MGAT5B: variants seen among roughly 807,000 people sequenced by gnomAD.
MGAT5B encodes alpha-1,6-mannosylglycoprotein 6-beta-N-acetylglucosaminyltransferase B, also known as N-acetylglucosaminyl-transferase Vb.
MGAT5B carries 54 observed loss-of-function variants against 95.1 expected under a neutral mutation model. The ratio of observed to expected loss-of-function variants is 0.57; its 90% CI spans 0.46 to 0.71. MGAT5B has a LOEUF of 0.71. Ranked by LOEUF, MGAT5B falls within the 30% of genes least tolerant of loss-of-function variation. The pLI is 0.00. For synonymous variants in MGAT5B, 464 were observed against 451.0 expected (o/e 1.03, Z -0.36); for missense variants, 935 against 1,088.6 (o/e 0.86, Z 1.99).
rs972011897 is a variant in MGAT5B, at chr17:76,917,966, C to T, written c.1026-7000C>T. 4.6e-5 allele frequency among the ~76,000 whole-genome samples: 7 copies of T among 152,158 alleles called. No individual in the cohort carries two copies. Among genetic ancestry groups the T allele is most frequent in the African/African-American group, 1.4e-4 (6 of 41,436 alleles). Reference sequence around the variant, plus strand: ...AGAGGACTGGGAACGACCGGAGGGCCGAGTTCCCGTTCCTCTTCCTGCAGC... The same window carrying T: ...AGAGGACTGGGAACGACCGGAGGGCTGAGTTCCCGTTCCTCTTCCTGCAGC... On this transcript the variant is annotated intron_variant, in intron 8 of 17. Coordinates refer to ENST00000569840, the MANE Select transcript of MGAT5B (RefSeq NM_001199172.2). The surrounding 1 kb of genome is among the most constrained non-coding windows in gnomAD (Gnocchi z 6.1).
At chr17:76,920,267 C>G (rs894942) in intron 8 of MGAT5B, among the ~76,000 whole-genome samples, 48,069 of 151,962 alleles carry the variant, frequency 0.32, 8,512 homozygotes, top group East Asian at 0.56. Flanking sequence ...GTCCTCTTGA[C>G]CCAGCCCTTG....
chr17:76,901,611 G>A (rs567846682), intron 3 of MGAT5B, among the ~76,000 whole-genome samples: 1 of 152,296 alleles, frequency 6.6e-6, no homozygotes, highest in Non-Finnish European at 1.5e-5. Context: ...CACTGGTATC[G>A]ATGGTGAGGT....
intron 10 of MGAT5B, among the ~76,000 whole-genome samples, chr17:76,928,836 C>T (rs910737774): frequency 2.6e-5 from 4 of 151,686 alleles, no homozygotes; most frequent in Non-Finnish European, 2.9e-5. Flanking sequence ...GAATTCACGT[C>T]GGAGGACCAC....
intron 2 of MGAT5B, among the ~76,000 whole-genome samples, chr17:76,877,612 G>A (rs1286866742): frequency 1.3e-5 from 2 of 152,154 alleles, no homozygotes; most frequent in Admixed American, 6.5e-5. Flanking sequence ...GGCCTCCCAC[G>A]GCCTGTCCTT....
Position 76,872,894 on chromosome 17 carries a change from A to T in MGAT5B, c.112A>T (p.Met38Leu). ...GIGFFTLCFLMTSLGGQFSAR... is the reference protein window; with the variant it reads ...GIGFFTLCFLLTSLGGQFSAR... ...CGGCTTCTTCACTCTCTGCTTCCTGATGACGTCTCTGGGAGGCCAGTTCTC... is the reference window on the plus strand; with the variant it reads ...CGGCTTCTTCACTCTCTGCTTCCTGTTGACGTCTCTGGGAGGCCAGTTCTC... Residue 38 changes from methionine to leucine, a missense_variant, in exon 2 of 18, where the codon ATG becomes TTG. Around this residue, in one of 4 missense-constraint regions of MGAT5B, gnomAD observed 243 missense variants for 228.2 expected, o/e 1.06. Coordinates refer to ENST00000569840, the MANE Select transcript of MGAT5B (RefSeq NM_001199172.2). The T allele has an allele frequency of 6.2e-7, 1 of 1,614,010 alleles. No homozygotes were observed. Among genetic ancestry groups the T allele is most frequent in the Non-Finnish European group, 8.5e-7 (1 of 1,180,002 alleles).
intron 10 of MGAT5B, among the ~76,000 whole-genome samples, chr17:76,931,844 G>A (rs1181154703): frequency 6.6e-6 from 1 of 152,204 alleles, no homozygotes; most frequent in Non-Finnish European, 1.5e-5. Context: ...GACAGATGCT[G>A]CCTATGGGCG....
Position 76,904,302 on chromosome 17 carries a change from G to A in MGAT5B, c.570G>A (p.Val190=), listed in dbSNP as rs1158358071. Residue 190 remains valine (V), a synonymous_variant, in exon 6 of 18, where the codon GTG becomes GTA. Transcript: ENST00000569840. The stretch of plus-strand genomic sequence containing the variant: ...ACCCCTGCTACGCCTTCTTTGGGGT[G>A]GACGGCACCGAGTGCTCCTTCCTCA... ...TSDPCYAFFG[V]DGTECSFLIY... The A allele has an allele frequency of 6.2e-7, 1 of 1,610,494 alleles. No individual in the cohort carries two copies. The highest frequency in any genetic ancestry group is 1.3e-5 in the African/African-American group (1 of 74,912).
At position 76,918,458 on chromosome 17, in the gene MGAT5B, G is replaced by A. The variant is rs1336142222; in HGVS notation, c.1026-6508G>A. Among the ~76,000 whole-genome samples the A allele has an allele frequency of 1.3e-5, 2 of 152,206 alleles. No individual in the cohort carries two copies. Among genetic ancestry groups the A allele is most frequent in the African/African-American group, 4.8e-5 (2 of 41,458 alleles). ...CCCAGTGACTGCGTAAAGCAACTCT[G>A]GGCTGCTTCTGTTGGGTACAGGGAG... On this transcript the variant is annotated intron_variant, in intron 8 of 17. Coordinates refer to ENST00000569840, the MANE Select transcript of MGAT5B (RefSeq NM_001199172.2). This position sits in a 1 kb window ranked among gnomAD's most constrained non-coding sequence, Gnocchi z 5.1.
Position 76,932,682 on chromosome 17 carries a change from C to T in MGAT5B, c.1329C>T (p.Ser443=), listed in dbSNP as rs141461687. ...ACAACTCCTTCATGGGCTTCGTGTC[C>T]GAGGAGCTCAACGAGACGGAGAAGC... ...TPDNSFMGFV[S]EELNETEKRL... is the part of the protein sequence containing the mutation. Residue 443 remains serine, a synonymous_variant, in exon 11 of 18, where the codon TCC becomes TCT. Transcript: ENST00000569840. The T allele has an allele frequency of 4.9e-3, 7,883 of 1,613,978 alleles. 102 individuals are homozygous for T. Among genetic ancestry groups the T allele is most frequent in the South Asian group, 0.034 (3,092 of 91,074 alleles).
intron 15 of MGAT5B, among the ~76,000 whole-genome samples, chr17:76,943,351 A>T (rs1464690321): frequency 6.6e-6 from 1 of 151,606 alleles, no homozygotes; most frequent in Admixed American, 6.6e-5. Context: ...CTGCCTTCAG[A>T]CCCCTCCCTT....
chr17:76,869,670 C>T lies in MGAT5B; in HGVS notation c.68+573C>T, dbSNP rs1012901205. On this transcript the variant is annotated intron_variant, in intron 1 of 17. Transcript: ENST00000569840. The surrounding 1 kb of genome is among the most constrained non-coding windows in gnomAD (Gnocchi z 7.0). Reference sequence around the variant, plus strand: ...AGATTAGAGCGAGGACTCGCTCATCCCAGGATTCGCCCCCGATCGCAGGCG... The same window carrying T: ...AGATTAGAGCGAGGACTCGCTCATCTCAGGATTCGCCCCCGATCGCAGGCG... Among the ~76,000 whole-genome samples, 4 of 152,348 alleles carry T rather than the reference C, an allele frequency of 2.6e-5. No individual in the cohort carries two copies. Among genetic ancestry groups the T allele is most frequent in the African/African-American group, 7.2e-5 (3 of 41,574 alleles).
chr17:76,898,920 G>A (rs888404898), intron 3 of MGAT5B, among the ~76,000 whole-genome samples: 2 of 152,158 alleles, frequency 1.3e-5, no homozygotes, highest in Non-Finnish European at 2.9e-5. Context: ...CAGGGCCCAC[G>A]CTGGCCAGCA....
rs1031066828 is a variant in MGAT5B at position 76,915,865 on chromosome 17, A to G, written c.1026-9101A>G. Among the ~76,000 whole-genome samples the G allele has an allele frequency of 4.5e-4, 69 of 152,210 alleles. No homozygotes were observed. The highest frequency in any genetic ancestry group is 1.6e-3 in the African/African-American group (67 of 41,460). On this transcript the variant is annotated intron_variant, in intron 8 of 17. Coordinates refer to ENST00000569840, the MANE Select transcript of MGAT5B (RefSeq NM_001199172.2). The surrounding 1 kb of genome is among the most constrained non-coding windows in gnomAD (Gnocchi z 8.7). ...TCCTGGCTGAGCGGGGAGCGAGCGC[A>G]GGAGCACACATCCCAGCGGAGAGGC...
intron 3 of MGAT5B, among the ~76,000 whole-genome samples, chr17:76,898,472 G>A (rs937949613): frequency 1.7e-5 from 2 of 115,966 alleles, no homozygotes; most frequent in African/African-American, 3.8e-5. Context: ...GGGATTACAG[G>A]CGCGCACCAC....
intron 3 of MGAT5B, among the ~76,000 whole-genome samples, chr17:76,884,869 T>C (rs554100847): frequency 6.6e-6 from 1 of 152,234 alleles, no homozygotes; most frequent in African/African-American, 2.4e-5. Context: ...CCCAAAGTGC[T>C]GGGATTATAG....
At chr17:76,891,495 T>C (rs759241346) in intron 3 of MGAT5B, among the ~76,000 whole-genome samples, 2 of 152,116 alleles carry the variant, frequency 1.3e-5, no homozygotes, top group Non-Finnish European at 2.9e-5. Flanking sequence ...TTCTCCTGCC[T>C]GAGCCTCCTG....
At position 76,868,957 on chromosome 17, in the gene MGAT5B, A is replaced by G; in HGVS notation, c.-73A>G. ...GGCCCGCAGAGGGTTCGTGGCCCGG[A>G]CGCGGCGAGAGCTGGGCCCAGGACG... On this transcript the variant is annotated 5_prime_UTR_variant, in exon 1 of 18. Transcript: ENST00000569840. This position sits in a 1 kb window ranked among gnomAD's most constrained non-coding sequence, Gnocchi z 6.3. 1.4e-6 allele frequency: 2 copies of G among 1,472,846 alleles called. No individual in the cohort carries two copies. 91.2% of individuals were successfully genotyped at this position (1,472,846 alleles called of 1,614,324 possible). A position where few individuals can be genotyped will look rare whatever the true frequency, so the allele number is the denominator to read the frequency against.
intron 3 of MGAT5B, among the ~76,000 whole-genome samples, chr17:76,883,065 T>G (rs1180316941): frequency 6.6e-6 from 1 of 152,026 alleles, no homozygotes; most frequent in African/African-American, 2.4e-5. Context: ...TGGCACGATC[T>G]TGGCTCACTG....
chr17:76,929,482 C>T (rs1466549137), intron 10 of MGAT5B, among the ~76,000 whole-genome samples: 9 of 152,136 alleles, frequency 5.9e-5, no homozygotes, highest in Non-Finnish European at 2.9e-5. Context: ...AACTTAACTC[C>T]GTTAAAGCAT....
Sources: allele counts gnomAD v4.1 joint callset (sites outside exome capture counted in the v4.1 genomes callset), GRCh38; gene constraint gnomAD v4.1.1; regional missense constraint gnomAD v4.1.1; non-coding constraint Gnocchi (gnomAD v3.1); transcripts MANE v1.5; gene names NCBI Gene and HGNC (gene_info 2026-07-23, HGNC 2026-07-21).